SORCS2: variants seen among roughly 807,000 people sequenced by gnomAD.
The protein encoded by SORCS2 is sortilin related VPS10 domain containing receptor 2.
A neutral mutation model predicts 141.6 loss-of-function variants in SORCS2; 100 were observed. The ratio of observed to expected loss-of-function variants is 0.71; its 90% CI spans 0.60 to 0.83. The LOEUF is 0.83. Ranked by LOEUF, SORCS2 falls within the 40% of genes least tolerant of loss-of-function variation. The pLI is 0.00. For missense variants in SORCS2, 1,646 were observed against 1,560.2 expected, an observed-to-expected ratio of 1.05 and a Z score of -0.93; for synonymous variants, 789 against 676.9, an observed-to-expected ratio of 1.17 and a Z score of -2.57.
chr4:7,725,323 C>A, intron 20 of SORCS2, 36 bp downstream of exon 20: 4 of 1,596,106 alleles, frequency 2.5e-6, no homozygotes, highest in Non-Finnish European at 3.4e-6. Context: ...CCCTTCTTCC[C>A]GCAGGCTCCC....
chr4:7,328,018 CTTTTTTTTTTT>C (rs60976971), intron 1 of SORCS2, among the ~76,000 whole-genome samples: 1 of 88,698 alleles, frequency 1.1e-5, no homozygotes, highest in Non-Finnish European at 2.2e-5. Flanking sequence ...TCGTGCTAGG[CTTTTTTTTTTT>C]TTTTTTTTTT....
At chr4:7,413,277 A>C (rs879801324) in intron 2 of SORCS2, among the ~76,000 whole-genome samples, 7 of 152,126 alleles carry the variant, frequency 4.6e-5, no homozygotes, top group Non-Finnish European at 8.8e-5. Flanking sequence ...CATATTTGAG[A>C]TAAATATTCT....
At chr4:7,670,975 A>G (rs1693710961) in intron 8 of SORCS2, among the ~76,000 whole-genome samples, 1 of 152,250 alleles carries the variant, frequency 6.6e-6, no homozygotes, top group Admixed American at 6.5e-5. Context: ...AAAGGGTTAC[A>G]GCCTATTTTC....
intron 3 of SORCS2, among the ~76,000 whole-genome samples, chr4:7,604,579 A>G (rs1414579463): frequency 6.6e-6 from 1 of 152,188 alleles, no homozygotes; most frequent in Non-Finnish European, 1.5e-5. Context: ...GATTACAGGC[A>G]TGAGCCGCCG....
intron 1 of SORCS2, among the ~76,000 whole-genome samples, chr4:7,320,019 A>G (rs1718799703): frequency 6.6e-6 from 1 of 151,986 alleles, no homozygotes; most frequent in Non-Finnish European, 1.5e-5. Context: ...AAAGACAGGA[A>G]GGGCCAGGCA....
At chr4:7,733,025 T>C (rs1711825460) in intron 23 of SORCS2, among the ~76,000 whole-genome samples, 1 of 96,530 alleles carries the variant, frequency 1.0e-5, no homozygotes, top group African/African-American at 4.1e-5. Flanking sequence ...TCCCACCAGA[T>C]CCCCCTCCCT....
At chr4:7,197,109 C>T (rs537186173) in intron 1 of SORCS2, among the ~76,000 whole-genome samples, 12 of 152,296 alleles carry the variant, frequency 7.9e-5, no homozygotes, top group African/African-American at 2.6e-4. Flanking sequence ...ATTCCTTCTG[C>T]GGCCTCTCTC....
intron 1 of SORCS2, among the ~76,000 whole-genome samples, chr4:7,374,541 C>G (rs1037631389): frequency 2.0e-5 from 3 of 152,188 alleles, no homozygotes; most frequent in Non-Finnish European, 2.9e-5. Context: ...AGTGGCTTGG[C>G]CTGCCCACTT....
At chr4:7,732,167 CA>C (rs973195034) in intron 23 of SORCS2, among the ~76,000 whole-genome samples, 2 of 152,230 alleles carry the variant, frequency 1.3e-5, no homozygotes, top group Non-Finnish European at 2.9e-5. Context: ...GGGAGACACA[CA>C]AATGGCCAAC....
At chr4:7,359,367 C>A (rs1721445867) in intron 1 of SORCS2, among the ~76,000 whole-genome samples, 1 of 152,200 alleles carries the variant, frequency 6.6e-6, no homozygotes, top group Admixed American at 6.5e-5. Context: ...CTCCTGACCT[C>A]AAGTGATCCT....
At chr4:7,387,787 T>TATGCAGATAC (rs1560241844) in intron 1 of SORCS2, among the ~76,000 whole-genome samples, 25 of 50,496 alleles carry the variant, frequency 5.0e-4, no homozygotes, top group East Asian at 2.7e-3. Context: ...CACACATAGG[T>TATGCAGATAC]ACATGCATGC....
chr4:7,537,104 CG>C (rs983796674), intron 3 of SORCS2, among the ~76,000 whole-genome samples: 10 of 152,214 alleles, frequency 6.6e-5, no homozygotes, highest in African/African-American at 2.2e-4. Context: ...AAGCACAGCC[CG>C]GCCCGCTTGG....
intron 3 of SORCS2, among the ~76,000 whole-genome samples, chr4:7,589,192 AG>A (rs1335258336): frequency 1.3e-5 from 2 of 152,216 alleles, no homozygotes; most frequent in Admixed American, 6.5e-5. Context: ...TCTATCTGGG[AG>A]GCCAGTTAGG....
At chr4:7,344,022 G>A (rs1446349796) in intron 1 of SORCS2, among the ~76,000 whole-genome samples, 2 of 152,222 alleles carry the variant, frequency 1.3e-5, no homozygotes, top group Non-Finnish European at 1.5e-5. Context: ...ACAGATCCAA[G>A]TTGCCCCAAG....
At chr4:7,424,639 A>G (rs971860475) in intron 2 of SORCS2, among the ~76,000 whole-genome samples, 3 of 151,054 alleles carry the variant, frequency 2.0e-5, no homozygotes, top group African/African-American at 7.3e-5. Context: ...GTGACGTGTG[A>G]CCCCCGCACT....
At chr4:7,244,051 C>A (rs1712901641) in intron 1 of SORCS2, among the ~76,000 whole-genome samples, 1 of 152,204 alleles carries the variant, frequency 6.6e-6, no homozygotes, top group African/African-American at 2.4e-5. Flanking sequence ...TGTCTCTTTG[C>A]CCCTATTTGT....
chr4:7,235,708 G>A (rs1171591739), intron 1 of SORCS2, among the ~76,000 whole-genome samples: 1 of 152,182 alleles, frequency 6.6e-6, no homozygotes, highest in East Asian at 1.9e-4. Flanking sequence ...TTGTCAGAGG[G>A]GACTGATTGT....
Position 7,740,043 on chromosome 4 carries a change from G to A in SORCS2, c.3416-157G>A, listed in dbSNP as rs185406423. On this transcript the variant is annotated intron_variant, in intron 26 of 26. Transcript: ENST00000507866. ...CTCCTCAGGCACCCACCTAGGAACC[G>A]CGGAGACCCCCTGCACCTGCACGGG... Among the ~76,000 whole-genome samples, 100 of 152,206 alleles carry A rather than the reference G, an allele frequency of 6.6e-4. No individual in the cohort carries two copies. The East Asian group carries it at 0.017, about 27-fold the overall frequency.
intron 1 of SORCS2, among the ~76,000 whole-genome samples, chr4:7,326,484 G>A (rs531393403): frequency 1.3e-3 from 196 of 152,196 alleles, no homozygotes; most frequent in African/African-American, 4.5e-3. Flanking sequence ...AAGCCTAAGC[G>A]TGAAGCATGG....
Sources: gnomAD v4.1 joint callset for allele counts (sites outside exome capture counted in the v4.1 genomes callset) on GRCh38, gnomAD v4.1.1 for gene constraint, MANE v1.5 for transcripts, NCBI Gene and HGNC (gene_info 2026-07-23, HGNC 2026-07-21) for gene names.